The following CASD1 variants were observed in gnomAD, a reference collection of about 807,000 sequenced individuals.
The protein encoded by CASD1 is CAS1 domain sialic acid O acetyltransferase 1.
In CASD1, 41 loss-of-function variants were observed where a neutral mutation model predicts 100.0. That is an observed-to-expected ratio of 0.41 (90% CI 0.32 to 0.53). The LOEUF (loss-of-function observed/expected upper bound fraction) is 0.53. Ranked by LOEUF, CASD1 falls within the 20% of genes least tolerant of loss-of-function variation. CASD1 has a pLI of 0.25. For missense variants in CASD1, 774 were observed against 948.7 expected, an observed-to-expected ratio of 0.82 and a Z score of 2.42; for synonymous variants, 321 against 315.6, an observed-to-expected ratio of 1.02 and a Z score of -0.18.
intron 3 of CASD1, among the ~76,000 whole-genome samples, chr7:94,526,065 A>G (rs1425819093): frequency 6.6e-6 from 1 of 152,194 alleles, no homozygotes; most frequent in Non-Finnish European, 1.5e-5. Context: ...ACTGTTTTCA[A>G]AGTGAAACCT....
chr7:94,571,104 T>C, the CASD1 span, among the ~76,000 whole-genome samples: 2 of 151,338 alleles, frequency 1.3e-5, no homozygotes, highest in Non-Finnish European at 2.9e-5. Flanking sequence ...AAAGCAATAG[T>C]GCAATCACAG....
At chr7:94,627,593 G>A in the CASD1 span, 1 of 152,478 alleles carries the variant, frequency 6.6e-6, no homozygotes, top group African/African-American at 2.4e-5. Context: ...AGATTTTGAT[G>A]TGTTGTTTCC....
At chr7:94,513,412 A>G (rs1045794234) in intron 1 of CASD1, among the ~76,000 whole-genome samples, 6 of 151,616 alleles carry the variant, frequency 4.0e-5, no homozygotes, top group African/African-American at 1.5e-4. Context: ...ACCTGAGCCT[A>G]CTTTTTGTTA....
the CASD1 span, among the ~76,000 whole-genome samples, chr7:94,567,373 C>A: frequency 2.0e-5 from 3 of 152,210 alleles, no homozygotes; most frequent in South Asian, 6.2e-4. Flanking sequence ...CCAGTGGTTA[C>A]CTTATCTTTC....
At chr7:94,599,766 T>C in the CASD1 span, 2 of 1,325,930 alleles carry the variant, frequency 1.5e-6, no homozygotes, top group East Asian at 4.6e-5. Context: ...ATAGCATTGA[T>C]ATTTGGAACA....
In CASD1 at chr7:94,509,867, G is replaced by A; in HGVS notation, c.-218G>A. The A allele has an allele frequency of 2.0e-6, 2 of 1,023,848 alleles. No individual in the cohort carries two copies. Among genetic ancestry groups the A allele is most frequent in the Non-Finnish European group, 1.2e-6 (1 of 855,900 alleles). The allele number at this position is 1,023,848 out of a possible 1,614,324, so 63.4% of individuals were successfully genotyped here. On this transcript the variant is annotated 5_prime_UTR_variant, in exon 1 of 18. Transcript: ENST00000297273. Reference sequence around the variant, plus strand: ...ACGGCGGAGCAGCGGCGGCGGGGCTGGGGGGAGGCCGCCGAGTCGGCCGCG... The same window carrying A: ...ACGGCGGAGCAGCGGCGGCGGGGCTAGGGGGAGGCCGCCGAGTCGGCCGCG...
intron 1 of CASD1, among the ~76,000 whole-genome samples, chr7:94,517,132 G>A (rs969900841): frequency 1.3e-5 from 2 of 152,078 alleles, no homozygotes; most frequent in African/African-American, 2.4e-5. Flanking sequence ...TCAAACACTC[G>A]ACCTCGAGTG....
chr7:94,602,450 G>A, the CASD1 span, among the ~76,000 whole-genome samples: 3 of 152,040 alleles, frequency 2.0e-5, no homozygotes, highest in South Asian at 6.2e-4. Flanking sequence ...GTGTTTATGT[G>A]TCAATAACTT....
chr7:94,549,590 G>A lies in CASD1; in HGVS notation c.1771G>A (p.Gly591Arg). ...ATTGTCCAAGTGTTTTGAACTGAAA[G>A]GGAATGTATATGAATGGTGGTTCAG... ...WPLSKCFELK[G>R]NVYEWWFRWR... Residue 591 changes from glycine to arginine, a missense_variant, in exon 14 of 18, where the codon GGG becomes AGG. Around this residue, in one of 5 missense-constraint regions of CASD1, gnomAD observed 453 missense variants for 532.6 expected, o/e 0.85. Coordinates refer to ENST00000297273, the MANE Select transcript of CASD1 (RefSeq NM_022900.5). 1 of 1,610,828 alleles carries A rather than the reference G, an allele frequency of 6.2e-7. No individual in the cohort carries two copies. Among genetic ancestry groups the A allele is most frequent in the African/African-American group, 1.3e-5 (1 of 74,760 alleles).
chr7:94,574,668 CAA>C, the CASD1 span, among the ~76,000 whole-genome samples: 1 of 134,456 alleles, frequency 7.4e-6, no homozygotes, highest in Non-Finnish European at 1.6e-5. Context: ...TGATTTTTTT[CAA>C]AAAAAAAAAA....
chr7:94,536,564 C>T (rs772041313), intron 8 of CASD1, among the ~76,000 whole-genome samples: 4 of 152,116 alleles, frequency 2.6e-5, no homozygotes, highest in Non-Finnish European at 4.4e-5. Flanking sequence ...CATAAAAGGG[C>T]TTGATGAACC....
the CASD1 span, among the ~76,000 whole-genome samples, chr7:94,614,472 T>C: frequency 2.6e-5 from 4 of 152,240 alleles, no homozygotes; most frequent in African/African-American, 7.2e-5. Flanking sequence ...TTACATGGTC[T>C]GGTCTTTGCC....
Position 94,545,607 on chromosome 7 carries a change from A to G in CASD1, c.1539A>G (p.Gln513=), listed in dbSNP as rs1214050313. 5 of 1,609,434 alleles carry G rather than the reference A, an allele frequency of 3.1e-6. No individual in the cohort carries two copies. In the Admixed American group the frequency reaches 5.0e-5, roughly 16 times the overall value. Residue 513 remains glutamine (Q), a synonymous_variant, in exon 12 of 18, where the codon CAA becomes CAG. Coordinates refer to ENST00000297273, the MANE Select transcript of CASD1 (RefSeq NM_022900.5). ...VLCIVMDRPY[Q]FYYFVPLVTV... ...GTATAGTAATGGATCGACCTTATCAATTCTATTACTTTGTCCCCTTGGTCA... is the reference window on the plus strand; with the variant it reads ...GTATAGTAATGGATCGACCTTATCAGTTCTATTACTTTGTCCCCTTGGTCA...
chr7:94,622,722 C>G, the CASD1 span: 1 of 151,892 alleles, frequency 6.6e-6, no homozygotes, highest in East Asian at 1.9e-4. Flanking sequence ...GAGAATACTT[C>G]CTTATCCCTA....
At chr7:94,598,987 A>C in the CASD1 span, 1 of 1,580,220 alleles carries the variant, frequency 6.3e-7, no homozygotes, top group Non-Finnish European at 8.7e-7. Flanking sequence ...AAATAAAACA[A>C]CATATATTTA....
chr7:94,589,035 T>C, the CASD1 span: 1 of 392,658 alleles, frequency 2.5e-6, no homozygotes, highest in South Asian at 2.5e-5. Flanking sequence ...AGAAATAGCC[T>C]TGGAGATCCA....
the CASD1 span, among the ~76,000 whole-genome samples, chr7:94,564,181 C>A: frequency 1.3e-5 from 2 of 152,188 alleles, no homozygotes; most frequent in African/African-American, 2.4e-5. Context: ...ATTCACTAAG[C>A]CAGTAGACAT....
At chr7:94,511,298 A>C (rs544983063) in intron 1 of CASD1, among the ~76,000 whole-genome samples, 1 of 152,210 alleles carries the variant, frequency 6.6e-6, no homozygotes, top group Admixed American at 6.5e-5. Context: ...ATTTACACCT[A>C]CTTTGGCAAA....
At position 94,510,054 on chromosome 7, in the gene CASD1, C is replaced by G; in HGVS notation, c.-31C>G. 6.8e-7 allele frequency: 1 copy of G among 1,479,062 alleles called. No individual in the cohort carries two copies. The highest frequency in any genetic ancestry group is 9.0e-7 in the Non-Finnish European group (1 of 1,107,742). 91.6% of individuals were successfully genotyped at this position (1,479,062 alleles called of 1,614,324 possible). On this transcript the variant is annotated 5_prime_UTR_variant, in exon 1 of 18. Coordinates refer to ENST00000297273, the MANE Select transcript of CASD1 (RefSeq NM_022900.5). The stretch of plus-strand genomic sequence containing the variant: ...CCTGTGCGGCGCCCCTTTCCCGCTC[C>G]GCCGCGCACTGTTGTCATGGAGGAA...
Sources: gnomAD v4.1 joint callset for allele counts (sites outside exome capture counted in the v4.1 genomes callset) on GRCh38, gnomAD v4.1.1 for gene constraint, gnomAD v4.1.1 regional missense constraint, MANE v1.5 for transcripts, NCBI Gene and HGNC (gene_info 2026-07-23, HGNC 2026-07-21) for gene names.